The following EYS variants were observed in gnomAD, a reference collection of about 807,000 sequenced individuals.
EYS encodes protein eyes shut homolog.
In EYS, 250 loss-of-function variants were observed where a neutral mutation model predicts 282.1. That is an observed-to-expected ratio of 0.89 (90% CI 0.80 to 0.98). The LOEUF is 0.98. Ranked by LOEUF, EYS falls within the 50% of genes least tolerant of loss-of-function variation. The pLI, the probability that EYS is intolerant of heterozygous loss-of-function variation, is 0.00. For synonymous variants in EYS, 1,355 were observed against 1,282.9 expected, an observed-to-expected ratio of 1.06 and a Z score of -1.20; for missense variants, 4,016 against 3,709.0, an observed-to-expected ratio of 1.08 and a Z score of -2.15.
chr6:65,426,656 A>T (rs1767676328), intron 5 of EYS, among the ~76,000 whole-genome samples: 1 of 152,162 alleles, frequency 6.6e-6, no homozygotes, highest in African/African-American at 2.4e-5. Flanking sequence ...ATTAGGAAGA[A>T]CAGAGATAAT....
chr6:65,588,560 C>A (rs932008287), intron 2 of EYS, among the ~76,000 whole-genome samples: 2 of 145,090 alleles, frequency 1.4e-5, no homozygotes, highest in Non-Finnish European at 3.1e-5. Context: ...CCATATCGTG[C>A]CTCTGTATTC....
chr6:65,073,382 G>A (rs1315061393), intron 12 of EYS, among the ~76,000 whole-genome samples: 2 of 151,622 alleles, frequency 1.3e-5, no homozygotes, highest in African/African-American at 2.4e-5. Context: ...AAGAATGCAA[G>A]AATTATTTCC....
chr6:64,835,004 T>C (rs1174819219), intron 19 of EYS, among the ~76,000 whole-genome samples: 2 of 151,700 alleles, frequency 1.3e-5, no homozygotes, highest in Non-Finnish European at 3.0e-5. Flanking sequence ...CCAATGTGTG[T>C]TATGCAGAAA....
At chr6:63,749,588 C>T (rs1411391012) in intron 41 of EYS, among the ~76,000 whole-genome samples, 1 of 152,054 alleles carries the variant, frequency 6.6e-6, no homozygotes, top group African/African-American at 2.4e-5. Flanking sequence ...CATTCCAAAC[C>T]CTCTGGGCTC....
At chr6:65,274,493 G>T (rs1428755116) in intron 12 of EYS, among the ~76,000 whole-genome samples, 3 of 152,142 alleles carry the variant, frequency 2.0e-5, no homozygotes, top group African/African-American at 7.2e-5. Flanking sequence ...TACAGCTATT[G>T]ATCTAGCAAA....
chr6:64,473,746 A>C (rs1776189316), intron 26 of EYS, among the ~76,000 whole-genome samples: 1 of 152,152 alleles, frequency 6.6e-6, no homozygotes, highest in South Asian at 2.1e-4. Flanking sequence ...TGGGACTCCC[A>C]CTTTGGGACT....
At chr6:63,774,778 A>G (rs572489486) in intron 40 of EYS, among the ~76,000 whole-genome samples, 1 of 152,100 alleles carries the variant, frequency 6.6e-6, no homozygotes, top group Non-Finnish European at 1.5e-5. Flanking sequence ...AACTTGCTTA[A>G]AAACACCTAT....
At chr6:65,144,691 T>A (rs893918234) in intron 12 of EYS, among the ~76,000 whole-genome samples, 1 of 152,086 alleles carries the variant, frequency 6.6e-6, no homozygotes, top group Non-Finnish European at 1.5e-5. Context: ...AGAATAAATT[T>A]TTTTAAAAAG....
chr6:64,425,129 A>C (rs1406695524), intron 28 of EYS, among the ~76,000 whole-genome samples: 1 of 152,088 alleles, frequency 6.6e-6, no homozygotes, highest in Non-Finnish European at 1.5e-5. Flanking sequence ...GAGAGGGAGG[A>C]AGTCAGGTAT....
chr6:64,330,091 T>C (rs1196316128), intron 29 of EYS, among the ~76,000 whole-genome samples: 1 of 152,140 alleles, frequency 6.6e-6, no homozygotes, highest in Non-Finnish European at 1.5e-5. Context: ...TGTTGCAGTA[T>C]ATAGATGATT....
chr6:65,071,325 T>C (rs1448786397), intron 12 of EYS, among the ~76,000 whole-genome samples: 1 of 151,890 alleles, frequency 6.6e-6, no homozygotes, highest in Non-Finnish European at 1.5e-5. Flanking sequence ...TTTCAGCCTA[T>C]TTGATATCAG....
intron 1 of EYS, among the ~76,000 whole-genome samples, chr6:65,683,171 G>A (rs1437773478): frequency 6.6e-6 from 1 of 151,912 alleles, no homozygotes. Flanking sequence ...TATCACTCAC[G>A]ATAAAAATTG....
intron 32 of EYS, among the ~76,000 whole-genome samples, chr6:64,076,427 T>A (rs1226941349): frequency 1.3e-5 from 2 of 151,902 alleles, no homozygotes; most frequent in African/African-American, 4.8e-5. Context: ...GAGGTTAATA[T>A]GGTTTGGCTG....
intron 4 of EYS, chr6:65,491,587 A>G (rs1299765301): frequency 2.3e-6 from 1 of 430,940 alleles, no homozygotes. Flanking sequence ...CCTCCAAGCA[A>G]CCCTAAATGT....
chr6:65,662,121 G>C (rs1768028059), intron 1 of EYS, among the ~76,000 whole-genome samples: 1 of 151,814 alleles, frequency 6.6e-6, no homozygotes, highest in East Asian at 1.9e-4. Context: ...ATAAATTAAG[G>C]TTAAGGATAA....
intron 31 of EYS, among the ~76,000 whole-genome samples, chr6:64,205,937 T>C (rs1221549879): frequency 6.6e-6 from 1 of 152,104 alleles, no homozygotes; most frequent in African/African-American, 2.4e-5. Context: ...TTACTCAAAG[T>C]ATACTCTATT....
At chr6:65,307,630 A>G (rs573694073) in intron 11 of EYS, among the ~76,000 whole-genome samples, 1 of 138,336 alleles carries the variant, frequency 7.2e-6, no homozygotes, top group South Asian at 2.4e-4. Flanking sequence ...AGTTTTCAGG[A>G]GCTTCAATCC....
chr6:65,098,231 A>G (rs777675404), intron 12 of EYS, among the ~76,000 whole-genome samples: 7 of 150,774 alleles, frequency 4.6e-5, no homozygotes, highest in Non-Finnish European at 8.9e-5. Context: ...GTTTAGAGAA[A>G]TAAAAAGAAT....
chr6:64,396,135 T>C (rs1773368514), intron 28 of EYS, among the ~76,000 whole-genome samples: 1 of 152,052 alleles, frequency 6.6e-6, no homozygotes. Flanking sequence ...AACATTATGT[T>C]TTTGAGATAT....
Sources: gnomAD v4.1 joint callset for allele counts (sites outside exome capture counted in the v4.1 genomes callset) on GRCh38, gnomAD v4.1.1 for gene constraint, MANE v1.5 for transcripts, NCBI Gene and HGNC (gene_info 2026-07-23, HGNC 2026-07-21) for gene names.